The following LRRIQ1 variants were observed in gnomAD, a reference collection of about 807,000 sequenced individuals.
LRRIQ1 encodes leucine rich repeats and IQ motif containing 1.
In LRRIQ1, 210 loss-of-function variants were observed where a neutral mutation model predicts 211.9. The observed-to-expected ratio is 0.99, with a 90% CI of 0.89 to 1.11. The LOEUF (loss-of-function observed/expected upper bound fraction) is 1.11. Among genes scored for constraint, LRRIQ1 ranks in the 50% most tolerant of loss-of-function variants. The probability of loss-of-function intolerance (pLI) is 0.00; values close to 1 mark genes in which losing one functional copy is unlikely to be tolerated. For synonymous variants in LRRIQ1, 699 were observed against 650.1 expected (o/e 1.08, Z -1.14); for missense variants, 2,136 against 1,939.5 (o/e 1.10, Z -1.90).
intron 24 of LRRIQ1, among the ~76,000 whole-genome samples, chr12:85,216,400 G>C (rs1479053049): frequency 6.6e-6 from 1 of 151,934 alleles, no homozygotes; most frequent in African/African-American, 2.4e-5. Flanking sequence ...ATTTTGAGCA[G>C]GACCGCTGGT....
intron 15 of LRRIQ1, among the ~76,000 whole-genome samples, chr12:85,107,878 T>C (rs2136330022): frequency 6.6e-6 from 1 of 152,316 alleles, no homozygotes; most frequent in Non-Finnish European, 1.5e-5. Flanking sequence ...TAAATTTGTG[T>C]ATTTCTTTAA....
At chr12:85,157,766 A>AT (rs1168304118) in intron 23 of LRRIQ1, among the ~76,000 whole-genome samples, 2 of 151,802 alleles carry the variant, frequency 1.3e-5, no homozygotes, top group Admixed American at 6.6e-5. Context: ...CTCAGAGAGA[A>AT]TGGGGTCTGA....
At chr12:85,228,051 C>T (rs565500754) in intron 24 of LRRIQ1, among the ~76,000 whole-genome samples, 2 of 152,282 alleles carry the variant, frequency 1.3e-5, no homozygotes, top group East Asian at 3.9e-4. Context: ...AAATATTAGA[C>T]CTAAAACCAT....
chr12:85,255,334 T>C (rs950599833), intron 1 of LRRIQ1, among the ~76,000 whole-genome samples: 6 of 151,904 alleles, frequency 3.9e-5, no homozygotes, highest in Non-Finnish European at 7.4e-5. Context: ...TTGCCTGATA[T>C]CCACTATCTA....
intron 14 of LRRIQ1, 59 bp downstream of exon 14, chr12:85,104,136 A>G (rs1886603455): frequency 1.3e-5 from 11 of 863,286 alleles, no homozygotes; most frequent in Non-Finnish European, 1.8e-5. Context: ...TGTTTCAAAT[A>G]TGATAAGGGG....
chr12:85,153,005 T>C lies in LRRIQ1; in HGVS notation c.4420-19T>C. The C allele has an allele frequency of 6.6e-7, 1 of 1,519,994 alleles. No individual in the cohort carries two copies. Among genetic ancestry groups the C allele is most frequent in the Non-Finnish European group, 9.0e-7 (1 of 1,114,040 alleles). The allele number at this position is 1,519,994 out of a possible 1,614,324, so 94.2% of individuals were successfully genotyped here. Reference sequence around the variant, plus strand: ...ATTTTTTATTTTACTTCACACTTATTTACTTTTTTTGTGAAAAGATTCCTG... The same window carrying C: ...ATTTTTTATTTTACTTCACACTTATCTACTTTTTTTGTGAAAAGATTCCTG... On this transcript the variant is annotated intron_variant, in intron 20 of 26. Coordinates refer to ENST00000393217, the MANE Select transcript of LRRIQ1 (RefSeq NM_001079910.2).
intron 11 of LRRIQ1, among the ~76,000 whole-genome samples, chr12:85,088,606 T>C (rs538924313): frequency 6.6e-6 from 1 of 152,310 alleles, no homozygotes; most frequent in African/African-American, 2.4e-5. Flanking sequence ...TTTGTTTGTG[T>C]CCTCTTTTAT....
At chr12:85,106,778 T>G (rs1886815832) in intron 15 of LRRIQ1, among the ~76,000 whole-genome samples, 163 bp downstream of exon 15, 1 of 152,176 alleles carries the variant, frequency 6.6e-6, no homozygotes, top group Admixed American at 6.5e-5. Flanking sequence ...TTTAAAAATG[T>G]TTTTATTCTA....
At chr12:85,116,501 C>T (rs1887592118) in intron 15 of LRRIQ1, among the ~76,000 whole-genome samples, 1 of 151,664 alleles carries the variant, frequency 6.6e-6, no homozygotes, top group African/African-American at 2.4e-5. Context: ...AAAGCTTACC[C>T]CAACCTATCA....
At chr12:85,221,558 G>A (rs763432364) in intron 24 of LRRIQ1, among the ~76,000 whole-genome samples, 12 of 152,112 alleles carry the variant, frequency 7.9e-5, no homozygotes, top group South Asian at 2.1e-4. Context: ...GGAATGCAGC[G>A]TTGGATGATC....
At chr12:85,104,515 A>G (rs969027305) in intron 14 of LRRIQ1, among the ~76,000 whole-genome samples, 3 of 151,918 alleles carry the variant, frequency 2.0e-5, no homozygotes, top group African/African-American at 7.2e-5. Flanking sequence ...ATTTATCACC[A>G]CACATTAATT....
chr12:85,229,762 C>G, intron 25 of LRRIQ1, 113 bp downstream of exon 25: 1 of 1,020,572 alleles, frequency 9.8e-7, no homozygotes, highest in Non-Finnish European at 1.5e-6. Flanking sequence ...GGCCAATACG[C>G]TACGTTGCCG....
intron 24 of LRRIQ1, among the ~76,000 whole-genome samples, chr12:85,198,580 T>A (rs964995419): frequency 6.6e-6 from 1 of 151,622 alleles, no homozygotes; most frequent in South Asian, 2.1e-4. Context: ...AGCATTTTTT[T>A]TTTTTGAGAC....
Position 85,073,021 on chromosome 12 carries a change from G to A in LRRIQ1, c.2810G>A (p.Cys937Tyr), listed in dbSNP as rs759596080. 1 of 1,612,540 alleles carries A rather than the reference G, an allele frequency of 6.2e-7. No individual in the cohort carries two copies. Among genetic ancestry groups the A allele is most frequent in the Middle Eastern group, 1.7e-4 (1 of 6,050 alleles). ...LAQVWIPTGLCWSWIPITSLT... is the reference protein window; with the variant it reads ...LAQVWIPTGLYWSWIPITSLT... The stretch of plus-strand genomic sequence containing the variant: ...CAAGTCTGGATTCCAACTGGATTAT[G>A]TTGGTCCTGGATACCTATTACCTCA... Residue 937 changes from cysteine to tyrosine, a missense_variant, in exon 11 of 27, where the codon TGT becomes TAT. Coordinates refer to ENST00000393217, the MANE Select transcript of LRRIQ1 (RefSeq NM_001079910.2).
At chr12:85,167,188 G>C (rs1415114467) in intron 24 of LRRIQ1, among the ~76,000 whole-genome samples, 1 of 152,106 alleles carries the variant, frequency 6.6e-6, no homozygotes, top group African/African-American at 2.4e-5. Flanking sequence ...TCTGATTCTA[G>C]TTTAGAACAC....
intron 1 of LRRIQ1, among the ~76,000 whole-genome samples, chr12:85,252,941 C>A (rs1199507635): frequency 6.6e-6 from 1 of 151,754 alleles, no homozygotes; most frequent in African/African-American, 2.4e-5. Flanking sequence ...AACCACAGGG[C>A]AGTCTCTGTA....
intron 11 of LRRIQ1, among the ~76,000 whole-genome samples, chr12:85,088,642 G>A (rs1277070450): frequency 2.0e-5 from 3 of 151,936 alleles, no homozygotes; most frequent in African/African-American, 4.8e-5. Context: ...TTTGTAGTTC[G>A]CCTTGAAGAG....
At chr12:85,198,747 T>A (rs1294602359) in intron 24 of LRRIQ1, among the ~76,000 whole-genome samples, 1 of 152,108 alleles carries the variant, frequency 6.6e-6, no homozygotes, top group Non-Finnish European at 1.5e-5. Context: ...TTTTTGTATT[T>A]TTAGTAGAGA....
intron 13 of LRRIQ1, 59 bp from the exon 14 acceptor site, chr12:85,103,945 G>T: frequency 1.1e-6 from 1 of 887,002 alleles, no homozygotes; most frequent in South Asian, 1.7e-5. Context: ...TAGTTACAAT[G>T]GTAACATTAA....
Sources: allele counts gnomAD v4.1 joint callset (sites outside exome capture counted in the v4.1 genomes callset), GRCh38; gene constraint gnomAD v4.1.1; transcripts MANE v1.5; gene names NCBI Gene and HGNC (gene_info 2026-07-23, HGNC 2026-07-21).